Variants in CDHR3 observed in about 807,000 individuals in gnomAD.
The protein encoded by CDHR3 is cadherin-related family member 3.
CDHR3 carries 79 observed loss-of-function variants against 86.6 expected under a neutral mutation model. The observed-to-expected ratio is 0.91, with a 90% CI of 0.76 to 1.10. The LOEUF (loss-of-function observed/expected upper bound fraction) is 1.10, where lower values mean the gene tolerates loss of function less well. CDHR3 is among the 50% of genes least tolerant of loss of function. The pLI is 0.00. For synonymous variants in CDHR3, 421 were observed against 402.4 expected (o/e 1.05, Z -0.55); for missense variants, 1,081 against 1,077.6 (o/e 1.00, Z -0.04).
intron 12 of CDHR3, among the ~76,000 whole-genome samples, chr7:106,019,276 C>T (rs145987549): frequency 4.4e-4 from 67 of 152,196 alleles, no homozygotes; most frequent in Admixed American, 1.1e-3. Flanking sequence ...CTGAATAGTC[C>T]GCTTCCTCCG....
At chr7:105,988,997 G>A (rs144454536) in intron 4 of CDHR3, among the ~76,000 whole-genome samples, 7 of 152,254 alleles carry the variant, frequency 4.6e-5, no homozygotes, top group African/African-American at 1.4e-4. Context: ...AATGCTCATA[G>A]TCACACGTAC....
chr7:106,027,922 C>T (rs565250335), intron 16 of CDHR3, among the ~76,000 whole-genome samples: 4 of 151,958 alleles, frequency 2.6e-5, no homozygotes, highest in African/African-American at 7.2e-5. Flanking sequence ...CCCAGAAGTT[C>T]GAGACCAGCT....
At chr7:105,991,903 C>T (rs1831413418) in intron 4 of CDHR3, among the ~76,000 whole-genome samples, 1 of 152,190 alleles carries the variant, frequency 6.6e-6, no homozygotes, top group Non-Finnish European at 1.5e-5. Flanking sequence ...ACCCGTGGGG[C>T]ATGCCCTAGT....
At position 106,011,290 on chromosome 7, in the gene CDHR3, C is replaced by T. The variant is rs58867403; in HGVS notation, c.1053-1570C>T. On this transcript the variant is annotated intron_variant, in intron 8 of 18. Transcript: ENST00000317716. ...GTCTCCTTGAATCTGAGCTTGACCA[C>T]GTGAATTGCTTTGACCACTGGAGCA... 7.7e-3 allele frequency among the ~76,000 whole-genome samples: 1,176 copies of T among 152,278 alleles called. 15 individuals are homozygous for T. Among genetic ancestry groups the T allele is most frequent in the African/African-American group, 0.027 (1,125 of 41,542 alleles).
Position 105,984,200 on chromosome 7 carries a change from C to T in CDHR3, c.424C>T (p.Leu142Phe). 6.2e-7 allele frequency: 1 copy of T among 1,603,212 alleles called. No individual in the cohort carries two copies. The highest frequency in any genetic ancestry group is 1.1e-5 in the South Asian group (1 of 89,596). ...FQGNLAEGLH[L>F]YIVERANPGF... ...TTTGGACACTGGTCTAGGTCTACAC[C>T]TCTACATAGTAGAAAGAGCAAACCC... The change falls in exon 4 of 19, where the codon CTC becomes TTC. Residue 142 changes from leucine to phenylalanine, a missense_variant. Physicochemically the swap from Leu to Phe is conservative, Grantham distance 22. Transcript: ENST00000317716.
chr7:106,021,228 G>A (rs981616422), intron 13 of CDHR3, among the ~76,000 whole-genome samples: 2 of 152,036 alleles, frequency 1.3e-5, no homozygotes, highest in Admixed American at 1.3e-4. Flanking sequence ...GAAGTGCTGG[G>A]GCCAGAGATT....
At chr7:105,977,212 A>G (rs1298974116) in intron 2 of CDHR3, among the ~76,000 whole-genome samples, 1 of 152,224 alleles carries the variant, frequency 6.6e-6, no homozygotes, top group African/African-American at 2.4e-5. Flanking sequence ...TAAATGATTT[A>G]TCTGAGATCA....
intron 4 of CDHR3, among the ~76,000 whole-genome samples, chr7:105,988,323 T>C (rs1226309616): frequency 2.0e-5 from 3 of 152,122 alleles, no homozygotes; most frequent in Admixed American, 1.3e-4. Flanking sequence ...ACCTCCCCGG[T>C]GATTCTGATG....
chr7:106,028,922 T>TTCTTTC (rs904683925), intron 17 of CDHR3, among the ~76,000 whole-genome samples: 55 of 84,768 alleles, frequency 6.5e-4, no homozygotes, highest in African/African-American at 2.6e-3. Flanking sequence ...TAAATTTTCT[T>TTCTTTC]TCTTTCTTTC....
At chr7:106,007,556 G>A (rs1174406564) in intron 8 of CDHR3, among the ~76,000 whole-genome samples, 1 of 152,164 alleles carries the variant, frequency 6.6e-6, no homozygotes, top group Non-Finnish European at 1.5e-5. Flanking sequence ...CTAGGGCAGG[G>A]GCAAAATGCC....
rs368341525 is a variant in CDHR3, at chr7:106,001,616, C to G, written c.862+6C>G. 7.4e-6 allele frequency: 12 copies of G among 1,613,584 alleles called. No homozygotes were observed. The highest frequency in any genetic ancestry group is 1.0e-5 in the Non-Finnish European group (12 of 1,179,698). ...ATATTTCATGATAAATCAGTGTAAG[C>G]CACTCACTTCCATCCTTAAGTGCAT... On this transcript the variant is annotated splice_donor_region_variant and intron_variant, in intron 7 of 18. Transcript: ENST00000317716.
At chr7:105,965,166 C>T (rs1826672600) in intron 1 of CDHR3, among the ~76,000 whole-genome samples, 1 of 152,220 alleles carries the variant, frequency 6.6e-6, no homozygotes, top group African/African-American at 2.4e-5. Flanking sequence ...GTGACACAAA[C>T]TGTTTCTTTT....
At chr7:106,004,417 G>T in intron 7 of CDHR3, 81 bp from the exon 8 acceptor site, 1 of 1,105,432 alleles carries the variant, frequency 9.0e-7, no homozygotes, top group Non-Finnish European at 1.3e-6. Context: ...TGTTCGAATG[G>T]TCTTTTCCAG....
chr7:105,974,736 C>A, intron 1 of CDHR3, 108 bp from the exon 2 acceptor site: 2 of 798,398 alleles, frequency 2.5e-6, no homozygotes, highest in Non-Finnish European at 2.1e-6. Context: ...GACCAGCTCT[C>A]ATCGTCACCC....
intron 8 of CDHR3, among the ~76,000 whole-genome samples, chr7:106,008,427 G>A (rs958796003): frequency 6.6e-6 from 1 of 152,074 alleles, no homozygotes. Context: ...TCACTCTCAC[G>A]AGCCCTGAGA....
At chr7:105,996,780 C>T (rs919404746) in intron 6 of CDHR3, among the ~76,000 whole-genome samples, 15 of 152,286 alleles carry the variant, frequency 9.8e-5, no homozygotes, top group Non-Finnish European at 2.1e-4. Context: ...GCTATTTTCA[C>T]GGTGCCTGCC....
In CDHR3 at chr7:105,984,258, C is replaced by A; in HGVS notation, c.482C>A (p.Pro161Gln). The change falls in exon 4 of 19, where the codon CCA becomes CAA. Residue 161 changes from proline (P) to glutamine (Q), a missense_variant. Pro to Gln is a moderately conservative substitution (Grantham distance 76, BLOSUM62 -1). Coordinates refer to ENST00000317716, the MANE Select transcript of CDHR3 (RefSeq NM_152750.5). ...ATTTACCAGGTTGAGGCCTTCGATC[C>A]AGAAGACACAAGCCGAAACATTCCC... The part of the protein sequence containing the change: ...GFIYQVEAFD[P>Q]EDTSRNIPLS... The A allele has an allele frequency of 6.2e-7, 1 of 1,610,116 alleles. No homozygotes were observed. The highest frequency in any genetic ancestry group is 2.2e-5 in the East Asian group (1 of 44,794).
At chr7:105,963,602 T>C (rs1826382042) in intron 1 of CDHR3, among the ~76,000 whole-genome samples, 1 of 152,182 alleles carries the variant, frequency 6.6e-6, no homozygotes, top group Non-Finnish European at 1.5e-5. Context: ...TAGACTTCAC[T>C]TTCCCTCTTG....
chr7:106,019,509 A>G (rs954507071), intron 12 of CDHR3, among the ~76,000 whole-genome samples: 1 of 152,200 alleles, frequency 6.6e-6, no homozygotes, highest in African/African-American at 2.4e-5. Context: ...GGTAGTATGA[A>G]TATGACTCAA....
Sources: allele counts gnomAD v4.1 joint callset (sites outside exome capture counted in the v4.1 genomes callset), GRCh38; gene constraint gnomAD v4.1.1; transcripts MANE v1.5; gene names NCBI Gene and HGNC (gene_info 2026-07-23, HGNC 2026-07-21).